The following ZNF365 variants were observed in gnomAD, a reference collection of about 807,000 sequenced individuals.
ZNF365 encodes the protein zinc finger protein 365.
In ZNF365, 22 loss-of-function variants were observed where a neutral mutation model predicts 35.0. The observed-to-expected ratio is 0.63, with a 90% CI of 0.45 to 0.90. The LOEUF (loss-of-function observed/expected upper bound fraction) is 0.90. Among genes scored for constraint, ZNF365 ranks in the 40% least tolerant of loss-of-function variants. The pLI is 0.00. For synonymous variants in ZNF365, 188 were observed against 196.2 expected (o/e 0.96, Z 0.35); for missense variants, 448 against 500.3 (o/e 0.90, Z 1.00).
At chr10:62,476,523 T>C (rs1002542369) in intron 4 of ZNF365, among the ~76,000 whole-genome samples, 3 of 152,244 alleles carry the variant, frequency 2.0e-5, no homozygotes, top group Non-Finnish European at 4.4e-5. Context: ...CTACATGACG[T>C]CCTAACTAAG....
intron 4 of ZNF365, among the ~76,000 whole-genome samples, chr10:62,468,489 C>T (rs1005089634): frequency 6.6e-6 from 1 of 151,828 alleles, no homozygotes; most frequent in Admixed American, 6.6e-5. Flanking sequence ...TGTAAAGAGC[C>T]CCTATCAGAG....
chr10:62,424,291 G>T (rs1840218611), intron 3 of ZNF365, among the ~76,000 whole-genome samples: 1 of 152,152 alleles, frequency 6.6e-6, no homozygotes, highest in African/African-American at 2.4e-5. Flanking sequence ...GAGGTGGTAA[G>T]GTCCAAGAAA....
At chr10:62,454,479 A>T (rs1840731109) in intron 3 of ZNF365, among the ~76,000 whole-genome samples, 1 of 152,242 alleles carries the variant, frequency 6.6e-6, no homozygotes, top group Non-Finnish European at 1.5e-5. Flanking sequence ...ACTACATAAT[A>T]AACATAATTT....
At chr10:62,422,552 T>C (rs1289005941) in intron 3 of ZNF365, among the ~76,000 whole-genome samples, 1 of 152,142 alleles carries the variant, frequency 6.6e-6, no homozygotes, top group Non-Finnish European at 1.5e-5. Context: ...ACAACATGTC[T>C]ATGGCAGCTA....
chr10:62,433,926 G>A (rs1323942673), intron 3 of ZNF365, among the ~76,000 whole-genome samples: 1 of 152,156 alleles, frequency 6.6e-6, no homozygotes, highest in Non-Finnish European at 1.5e-5. Context: ...AAAGAATCCA[G>A]GTCCAGGAAC....
chr10:62,426,703 T>C (rs1159931994), intron 3 of ZNF365, among the ~76,000 whole-genome samples: 1 of 152,046 alleles, frequency 6.6e-6, no homozygotes, highest in Admixed American at 6.6e-5. Flanking sequence ...CAGTTTAGGA[T>C]TGGCGAGTTT....
intron 3 of ZNF365, among the ~76,000 whole-genome samples, chr10:62,431,685 T>A (rs530654383): frequency 6.6e-6 from 1 of 152,176 alleles, no homozygotes; most frequent in Non-Finnish European, 1.5e-5. Flanking sequence ...TAATCTTTTG[T>A]TGACAAAGAC....
chr10:62,410,267 G>A (rs1370206369), intron 3 of ZNF365, among the ~76,000 whole-genome samples: 1 of 152,112 alleles, frequency 6.6e-6, no homozygotes, highest in Admixed American at 6.5e-5. Flanking sequence ...TTCTGATTTG[G>A]AGCAGGGCTA....
chr10:62,406,878 C>T (rs748618343), downstream of ZNF365, among the ~76,000 whole-genome samples: 5 of 152,144 alleles, frequency 3.3e-5, no homozygotes, highest in Non-Finnish European at 5.9e-5. Flanking sequence ...CTGTATCTAC[C>T]CTGATGCTCC....
At chr10:62,447,406 T>C (rs1451175580) in intron 3 of ZNF365, among the ~76,000 whole-genome samples, 1 of 152,176 alleles carries the variant, frequency 6.6e-6, no homozygotes, top group Non-Finnish European at 1.5e-5. Context: ...AGCAAATGGT[T>C]GAAAGCTAGC....
chr10:62,420,553 A>G (rs1564582773), intron 3 of ZNF365, among the ~76,000 whole-genome samples: 2 of 152,224 alleles, frequency 1.3e-5, no homozygotes, highest in Admixed American at 6.5e-5. Context: ...ACTGCAAAGA[A>G]GCTAAGAAAT....
intron 4 of ZNF365, among the ~76,000 whole-genome samples, chr10:62,467,796 A>G (rs1390343602): frequency 6.6e-6 from 1 of 152,148 alleles, no homozygotes; most frequent in African/African-American, 2.4e-5. Flanking sequence ...TTTGATGCTT[A>G]AATAAGGAAA....
intron 3 of ZNF365, among the ~76,000 whole-genome samples, chr10:62,408,290 C>T (rs543025910): frequency 6.6e-6 from 1 of 152,166 alleles, no homozygotes; most frequent in Admixed American, 6.5e-5. Context: ...TGTACTAAAA[C>T]AAAGGGCAAC....
At chr10:62,408,247 A>G (rs1026142170) in intron 3 of ZNF365, among the ~76,000 whole-genome samples, 1 of 152,150 alleles carries the variant, frequency 6.6e-6, no homozygotes, top group African/African-American at 2.4e-5. Flanking sequence ...TCTAATCAAG[A>G]ACTTGAAAAT....
rs189109455 is a variant in ZNF365 at position 62,419,050 on chromosome 10, T to C, written c.924+30474T>C. 2.6e-4 allele frequency among the ~76,000 whole-genome samples: 39 copies of C among 152,188 alleles called. No individual in the cohort carries two copies. The East Asian group carries it at 5.0e-3, about 20-fold the overall frequency. The stretch of plus-strand genomic sequence containing the variant: ...TGGAAATTTATTGCCAATATCAACA[T>C]TGACTTCAAGTTTGCTTTCCTCAAA... On this transcript the variant is annotated intron_variant, in intron 3 of 4. Coordinates refer to the ZNF365 transcript ENST00000395255.
chr10:62,388,864 T>C (rs1310499740), intron 3 of ZNF365, among the ~76,000 whole-genome samples: 1 of 152,160 alleles, frequency 6.6e-6, no homozygotes. Context: ...ATAGAAGAGT[T>C]TGAAGTATCC....
chr10:62,431,639 G>T (rs1439682135), intron 3 of ZNF365, among the ~76,000 whole-genome samples: 1 of 152,190 alleles, frequency 6.6e-6, no homozygotes, highest in Non-Finnish European at 1.5e-5. Context: ...GAATGTTTAT[G>T]ATGAGCCTCT....
At chr10:62,449,351 G>T (rs1840641707) in intron 3 of ZNF365, among the ~76,000 whole-genome samples, 1 of 152,170 alleles carries the variant, frequency 6.6e-6, no homozygotes, top group South Asian at 2.1e-4. Flanking sequence ...GCTCATGGAG[G>T]GGTTCCAGTG....
rs997943343 is a variant in ZNF365, at chr10:62,399,773, T to C, written c.1208T>C (p.Ile403Thr). 6.2e-6 allele frequency: 10 copies of C among 1,612,868 alleles called. No homozygotes were observed. The Admixed American group carries it at 8.3e-5, about 13-fold the overall frequency. The change falls in exon 5 of 5, where the codon ATT becomes ACT. Residue 403 changes from isoleucine to threonine, a missense_variant. Around this residue, in one of 3 missense-constraint regions of ZNF365, gnomAD observed 362 missense variants for 375.7 expected, o/e 0.96. Coordinates refer to ENST00000395254, the MANE Select transcript of ZNF365 (RefSeq NM_014951.3). ...ATGGCTAAAAAAAAGCCAACAGCCA[T>C]TGTGAACATCATCTAAAAGGGTGGG... is the stretch of plus-strand genomic sequence containing the variant. ...PKMAKKKPTA[I>T]VNII
Sources: gnomAD v4.1 joint callset for allele counts (sites outside exome capture counted in the v4.1 genomes callset) on GRCh38, gnomAD v4.1.1 for gene constraint, gnomAD v4.1.1 regional missense constraint, MANE v1.5 for transcripts, NCBI Gene and HGNC (gene_info 2026-07-23, HGNC 2026-07-21) for gene names.